Variants in MED27 observed in about 807,000 individuals in gnomAD.
MED27 encodes the protein mediator of RNA polymerase II transcription subunit 27.
MED27 carries 30 observed loss-of-function variants against 38.2 expected under a neutral mutation model. The observed-to-expected ratio is 0.79, with a 90% CI of 0.59 to 1.07. MED27 has a LOEUF of 1.07. Among genes scored for constraint, MED27 ranks in the 50% least tolerant of loss-of-function variants. MED27 has a pLI of 0.00. For synonymous variants in MED27, 122 were observed against 153.5 expected (o/e 0.79, Z 1.52); for missense variants, 289 against 397.5 (o/e 0.73, Z 2.32).
At chr9:131,970,261 C>A (rs1224054974) in intron 3 of MED27, among the ~76,000 whole-genome samples, 1 of 152,236 alleles carries the variant, frequency 6.6e-6, no homozygotes, top group East Asian at 1.9e-4. Flanking sequence ...GAGCAGAACT[C>A]AAACAAAGCC....
intron 1 of MED27, 58 bp from the exon 2 acceptor site, chr9:132,077,644 G>C (rs915388669): frequency 6.3e-7 from 1 of 1,576,892 alleles, no homozygotes; most frequent in African/African-American, 1.4e-5. Flanking sequence ...CCAGGGTAAA[G>C]CCAGCCCCCA....
At chr9:132,060,612 T>C (rs1214371595) in intron 2 of MED27, among the ~76,000 whole-genome samples, 2 of 152,168 alleles carry the variant, frequency 1.3e-5, no homozygotes, top group African/African-American at 4.8e-5. Context: ...CCAAGCACAC[T>C]GTGTTGCTCA....
intron 4 of MED27, among the ~76,000 whole-genome samples, chr9:131,938,771 T>C (rs1488229807): frequency 6.6e-6 from 1 of 151,692 alleles, no homozygotes; most frequent in Non-Finnish European, 1.5e-5. Flanking sequence ...GAGAGTGCAG[T>C]GGAGTGATCT....
chr9:131,874,621 G>A (rs994593471), intron 6 of MED27, among the ~76,000 whole-genome samples: 1 of 152,214 alleles, frequency 6.6e-6, no homozygotes, highest in Non-Finnish European at 1.5e-5. Flanking sequence ...GAAACCCCAG[G>A]ATAGACACGA....
At chr9:132,025,221 C>T (rs1832793979) in intron 2 of MED27, among the ~76,000 whole-genome samples, 1 of 151,088 alleles carries the variant, frequency 6.6e-6, no homozygotes, top group Non-Finnish European at 1.5e-5. Flanking sequence ...GCTCTTGTTG[C>T]CCAGGCTGGA....
intron 3 of MED27, among the ~76,000 whole-genome samples, chr9:131,962,479 T>G (rs1831237391): frequency 6.6e-6 from 1 of 152,142 alleles, no homozygotes; most frequent in Non-Finnish European, 1.5e-5. Flanking sequence ...GCTCAAGTGA[T>G]CCACCCACCT....
chr9:131,863,423 G>C (rs566901441), intron 6 of MED27, among the ~76,000 whole-genome samples: 8 of 152,214 alleles, frequency 5.3e-5, no homozygotes, highest in Non-Finnish European at 1.0e-4. Context: ...CTGGCAGAGG[G>C]AGCGGCCAGA....
chr9:132,043,406 G>A (rs1833263825), intron 2 of MED27, among the ~76,000 whole-genome samples: 1 of 151,910 alleles, frequency 6.6e-6, no homozygotes, highest in Non-Finnish European at 1.5e-5. Flanking sequence ...GAACTAGAAG[G>A]AGAGAGGGAG....
At chr9:131,924,850 G>C (rs1252384246) in intron 4 of MED27, among the ~76,000 whole-genome samples, 1 of 152,182 alleles carries the variant, frequency 6.6e-6, no homozygotes, top group Non-Finnish European at 1.5e-5. Flanking sequence ...CTTTCAATAA[G>C]TGTGTTAAAT....
rs1325462802 is a variant in MED27, at chr9:131,861,456, T to G, written c.802-784A>C. Among the ~76,000 whole-genome samples the G allele has an allele frequency of 6.6e-6, 1 of 152,228 alleles. No individual in the cohort carries two copies. Among genetic ancestry groups the G allele is most frequent in the African/African-American group, 2.4e-5 (1 of 41,454 alleles). On this transcript the variant is annotated intron_variant, in intron 7 of 7. Transcript: ENST00000292035. This position sits in a 1 kb window ranked among gnomAD's most constrained non-coding sequence, Gnocchi z 4.4. ...CCTGAATTAAGAGAAAACTGTTATT[T>G]GAAGAGGTTGGCCGAGCTTATTGAT...
At chr9:131,868,665 A>G in intron 6 of MED27, 1 of 985,492 alleles carries the variant, frequency 1.0e-6, no homozygotes, top group Non-Finnish European at 1.2e-6. Context: ...GCAGTGTGGG[A>G]GCCCGAACAC....
intron 4 of MED27, among the ~76,000 whole-genome samples, chr9:131,937,090 A>T (rs1196074117): frequency 2.0e-5 from 3 of 152,114 alleles, no homozygotes; most frequent in Non-Finnish European, 4.4e-5. Context: ...GTAGTGGGGG[A>T]GGTGGCATCT....
chr9:131,988,681 T>G (rs972213940), intron 3 of MED27, among the ~76,000 whole-genome samples: 3 of 152,200 alleles, frequency 2.0e-5, no homozygotes, highest in African/African-American at 7.2e-5. Flanking sequence ...AGGGTCTTCT[T>G]ACATTGCCCA....
chr9:132,068,989 A>G (rs1210335926), intron 2 of MED27, among the ~76,000 whole-genome samples: 2 of 152,216 alleles, frequency 1.3e-5, no homozygotes, highest in Non-Finnish European at 2.9e-5. Flanking sequence ...CTGTACATGT[A>G]ATGATATGCT....
At chr9:131,879,565 C>T (rs2131475949) in intron 6 of MED27, among the ~76,000 whole-genome samples, 1 of 152,354 alleles carries the variant, frequency 6.6e-6, no homozygotes, top group East Asian at 1.9e-4. Flanking sequence ...TGGCACCTCC[C>T]ACCACTGTCA....
rs73658157 is a variant in MED27 at position 131,941,309 on chromosome 9, G to C, written c.480-1835C>G. On this transcript the variant is annotated intron_variant, in intron 3 of 7. Coordinates refer to ENST00000292035, the MANE Select transcript of MED27 (RefSeq NM_004269.4). ...AAAGGTATATTCTCTTGGGGTAAGA[G>C]GGAGATTAGTTCTCGGTTCACAACA... 6.6e-3 allele frequency among the ~76,000 whole-genome samples: 1,006 copies of C among 152,290 alleles called. 10 individuals are homozygous for C. Among genetic ancestry groups the C allele is most frequent in the African/African-American group, 0.022 (932 of 41,546 alleles).
chr9:132,036,890 T>C (rs1833091377), intron 2 of MED27, among the ~76,000 whole-genome samples: 1 of 152,064 alleles, frequency 6.6e-6, no homozygotes, highest in South Asian at 2.1e-4. Context: ...TCATAGGTGC[T>C]GAAAGCCTAT....
chr9:132,065,092 C>T (rs145451962), intron 2 of MED27, among the ~76,000 whole-genome samples: 46 of 152,260 alleles, frequency 3.0e-4, no homozygotes, highest in Non-Finnish European at 5.0e-4. Context: ...AAGCACACTA[C>T]CCAAAAACAC....
intron 2 of MED27, among the ~76,000 whole-genome samples, chr9:132,047,475 C>CA (rs1554768183): frequency 1.3e-5 from 2 of 150,832 alleles, no homozygotes; most frequent in Admixed American, 1.3e-4. Context: ...CACACACACA[C>CA]GTCTTAGTCC....
Sources: gnomAD v4.1 joint callset for allele counts (sites outside exome capture counted in the v4.1 genomes callset) on GRCh38, gnomAD v4.1.1 for gene constraint, Gnocchi (gnomAD v3.1) non-coding constraint, MANE v1.5 for transcripts, NCBI Gene and HGNC (gene_info 2026-07-23, HGNC 2026-07-21) for gene names.